Variants in MEGF11 observed in about 807,000 individuals in gnomAD.
The protein encoded by MEGF11 is multiple EGF like domains 11, also known as multiple epidermal growth factor-like domains protein 11.
MEGF11 carries 126 observed loss-of-function variants against 146.6 expected under a neutral mutation model. That is an observed-to-expected ratio of 0.86 (90% CI 0.74 to 1.00). The LOEUF is 1.00. MEGF11 is among the 50% of genes least tolerant of loss of function. MEGF11 has a pLI of 0.00. For synonymous variants in MEGF11, 532 were observed against 583.4 expected, an observed-to-expected ratio of 0.91 and a Z score of 1.27; for missense variants, 1,509 against 1,521.2, an observed-to-expected ratio of 0.99 and a Z score of 0.13.
At chr15:66,065,346 A>C (rs1323741464) in intron 5 of MEGF11, among the ~76,000 whole-genome samples, 1 of 152,124 alleles carries the variant, frequency 6.6e-6, no homozygotes, top group Non-Finnish European at 1.5e-5. Context: ...GCAAATAAAA[A>C]ACAAAGGGGA....
rs777920929 is a variant in MEGF11 at position 65,982,438 on chromosome 15, G to A, written c.445C>T (p.Gln149Ter). The stretch of plus-strand genomic sequence containing the variant: ...ATGGGGTTACACAGGGCGCCGTTCT[G>A]GCACTGGCACCGGTTGCTGCAGTGG... ...GPHCSNRCQC[Q>*]NGALCNPITG... The change falls in exon 6 of 26, where the codon CAG (glutamine) becomes TAG (stop). Residue 149 changes from glutamine (Q) to a stop codon, truncating the protein, a stop_gained. Transcript: ENST00000395614. LOFTEE classifies it high-confidence loss of function. The surrounding 1 kb of genome is among the most constrained non-coding windows in gnomAD (Gnocchi z 5.6). 4.0e-6 allele frequency: 6 copies of A among 1,494,682 alleles called. No homozygotes were observed. Among genetic ancestry groups the A allele is most frequent in the Non-Finnish European group, 5.4e-6 (6 of 1,120,256 alleles). The allele number at this position is 1,494,682 out of a possible 1,614,324, so 92.6% of individuals were successfully genotyped here. A position where few individuals can be genotyped will look rare whatever the true frequency, so the allele number is the denominator to read the frequency against.
chr15:66,108,765 G>A (rs1446059661), intron 4 of MEGF11, among the ~76,000 whole-genome samples: 1 of 152,178 alleles, frequency 6.6e-6, no homozygotes, highest in East Asian at 1.9e-4. Flanking sequence ...AGCAGCTAAC[G>A]CCCAACAAGG....
intron 1 of MEGF11, among the ~76,000 whole-genome samples, chr15:66,210,484 A>T (rs1185957789): frequency 1.3e-5 from 2 of 152,150 alleles, no homozygotes; most frequent in African/African-American, 2.4e-5. Context: ...CGCTAAGGGG[A>T]GCAGGGGTGG....
chr15:66,057,417 T>G (rs140883339), intron 5 of MEGF11, among the ~76,000 whole-genome samples: 1 of 152,142 alleles, frequency 6.6e-6, no homozygotes, highest in African/African-American at 2.4e-5. Context: ...AATTCGTCAC[T>G]GTTTTGCAAC....
intron 1 of MEGF11, among the ~76,000 whole-genome samples, chr15:66,180,825 C>T (rs2090525168): frequency 6.6e-6 from 1 of 152,200 alleles, no homozygotes; most frequent in African/African-American, 2.4e-5. Context: ...TAATTACATT[C>T]TCACTCTGCC....
chr15:66,247,823 G>T (rs183699550), intron 1 of MEGF11, among the ~76,000 whole-genome samples: 1 of 152,124 alleles, frequency 6.6e-6, no homozygotes, highest in Non-Finnish European at 1.5e-5. Context: ...GATCACCTGA[G>T]GTTGGGAGTT....
At chr15:65,950,584 GACACAC>G (rs57977250) in intron 10 of MEGF11, among the ~76,000 whole-genome samples, 21,126 of 148,680 alleles carry the variant, frequency 0.14, 1,902 homozygotes, top group East Asian at 0.44. Flanking sequence ...TAGACACACA[GACACAC>G]ACACACACAC....
chr15:65,915,691 C>G, intron 18 of MEGF11, 93 bp from the exon 19 acceptor site: 1 of 1,490,784 alleles, frequency 6.7e-7, no homozygotes. Context: ...GCCTGTTTTG[C>G]CTCCCACTGA....
At chr15:65,949,929 G>C (rs2080335264) in intron 10 of MEGF11, among the ~76,000 whole-genome samples, 2 of 152,194 alleles carry the variant, frequency 1.3e-5, no homozygotes, top group Admixed American at 1.3e-4. Flanking sequence ...CGTGTGAGCA[G>C]GAAGTCTATT....
chr15:66,111,585 G>A (rs1418135495), intron 4 of MEGF11, among the ~76,000 whole-genome samples: 1 of 152,194 alleles, frequency 6.6e-6, no homozygotes, highest in Admixed American at 6.5e-5. Context: ...GCGCAGGCTG[G>A]GAGCCAGGGA....
At chr15:65,966,874 C>A (rs2081118768) in intron 8 of MEGF11, among the ~76,000 whole-genome samples, 1 of 151,940 alleles carries the variant, frequency 6.6e-6, no homozygotes, top group Non-Finnish European at 1.5e-5. Flanking sequence ...ACCCTGGGCT[C>A]TTTCCCAGAG....
At chr15:65,965,352 G>A (rs2081030845) in intron 8 of MEGF11, 1 of 458,972 alleles carries the variant, frequency 2.2e-6, no homozygotes, top group Non-Finnish European at 3.8e-6. Context: ...CCAGCAATGA[G>A]TTTGTACCAC....
chr15:66,173,196 A>T (rs535116009), intron 1 of MEGF11, among the ~76,000 whole-genome samples: 2 of 152,150 alleles, frequency 1.3e-5, no homozygotes, highest in South Asian at 4.2e-4. Flanking sequence ...AAAATGCCAA[A>T]CCCTAGACCA....
At position 65,982,113 on chromosome 15, in the gene MEGF11, A is replaced by C; in HGVS notation, c.641+129T>G. ...ACAAGGAGCCCAGGGCTGGGCGTGC[A>C]GCTGCGGTGAGGGCAGCCACTCCAG... On this transcript the variant is annotated intron_variant, in intron 6 of 25. Transcript: ENST00000395614. The surrounding 1 kb of genome is among the most constrained non-coding windows in gnomAD (Gnocchi z 5.6). 24 of 1,153,134 alleles carry C rather than the reference A, an allele frequency of 2.1e-5. No homozygotes were observed. The highest frequency in any genetic ancestry group is 3.2e-4 in the Middle Eastern group (1 of 3,114). The allele number at this position is 1,153,134 out of a possible 1,614,324, so 71.4% of individuals were successfully genotyped here. A position where few individuals can be genotyped will look rare whatever the true frequency, so the allele number is the denominator to read the frequency against.
chr15:65,941,986 A>G (rs1054707475), intron 10 of MEGF11, among the ~76,000 whole-genome samples: 2 of 150,368 alleles, frequency 1.3e-5, no homozygotes, highest in African/African-American at 4.9e-5. Flanking sequence ...TGTGCCAGGC[A>G]CTTTTTTTTT....
At chr15:66,160,242 CCTCTCTCTCTCTCTCT>C (rs143653192) in intron 1 of MEGF11, among the ~76,000 whole-genome samples, 88 of 133,410 alleles carry the variant, frequency 6.6e-4, no homozygotes, top group Non-Finnish European at 1.2e-3. Flanking sequence ...AAGGAAAAGC[CCTCTCTCTCTCTCTCT>C]CTCTCTCTCT....
chr15:66,210,676 T>G (rs2140125184), intron 1 of MEGF11, among the ~76,000 whole-genome samples: 1 of 152,296 alleles, frequency 6.6e-6, no homozygotes, highest in South Asian at 2.1e-4. Flanking sequence ...GGAGAGGGAC[T>G]TTCAAGATCA....
At position 66,123,976 on chromosome 15, in the gene MEGF11, C is replaced by A. The variant is rs549234280; in HGVS notation, c.123G>T (p.Ser41=). ...WESYAVTVQE[S]YAHPFDQIYY... ...AGATCTGATCGAAGGGGTGTGCATA[C>A]GATTCCTGGACAGTCACAGCATAGC... The change falls in exon 3 of 26, where the codon TCG becomes TCT. Residue 41 remains serine (S), a synonymous_variant. Transcript: ENST00000395614. 5.6e-6 allele frequency: 9 copies of A among 1,613,878 alleles called. No individual in the cohort carries two copies. In the Admixed American group the frequency reaches 8.3e-5, roughly 15 times the overall value.
intron 5 of MEGF11, among the ~76,000 whole-genome samples, chr15:66,061,001 T>G (rs953651075): frequency 1.3e-5 from 2 of 152,162 alleles, no homozygotes; most frequent in Non-Finnish European, 2.9e-5. Flanking sequence ...GAATGGGGAC[T>G]GGAGGGGCAG....
Sources: gnomAD v4.1 joint callset for allele counts (sites outside exome capture counted in the v4.1 genomes callset) on GRCh38, gnomAD v4.1.1 for gene constraint, Gnocchi (gnomAD v3.1) non-coding constraint, MANE v1.5 for transcripts, NCBI Gene and HGNC (gene_info 2026-07-23, HGNC 2026-07-21) for gene names.